PDE4D: variants seen among roughly 807,000 people sequenced by gnomAD.
PDE4D encodes the protein phosphodiesterase 4D.
A neutral mutation model predicts 87.4 loss-of-function variants in PDE4D; 24 were observed. The observed-to-expected ratio is 0.27, with a 90% CI of 0.20 to 0.39. The LOEUF (loss-of-function observed/expected upper bound fraction) is 0.39, where lower values mean the gene tolerates loss of function less well. Ranked by LOEUF, PDE4D falls within the 10% of genes least tolerant of loss-of-function variation. The pLI, the probability that PDE4D is intolerant of heterozygous loss-of-function variation, is 1.00. For missense variants in PDE4D, 714 were observed against 1,041.0 expected (o/e 0.69, Z 4.32); for synonymous variants, 384 against 383.2 (o/e 1.00, Z -0.02).
At chr5:59,343,146 C>G (rs564319277) in intron 1 of PDE4D, among the ~76,000 whole-genome samples, 12 of 151,922 alleles carry the variant, frequency 7.9e-5, no homozygotes, top group East Asian at 3.9e-4. Flanking sequence ...GTTGTTCCCC[C>G]CTATGTATCC....
At chr5:60,118,438 G>A (rs1778363323) in intron 2 of PDE4D, among the ~76,000 whole-genome samples, 1 of 152,054 alleles carries the variant, frequency 6.6e-6, no homozygotes. Flanking sequence ...ATTTGTGCCT[G>A]GGTTTTTAAG....
intron 1 of PDE4D, among the ~76,000 whole-genome samples, chr5:60,288,761 T>G (rs1018862806): frequency 3.9e-5 from 6 of 152,208 alleles, no homozygotes; most frequent in Non-Finnish European, 8.8e-5. Flanking sequence ...ACATAAAGCA[T>G]TTTTGTTATT....
intron 6 of PDE4D, among the ~76,000 whole-genome samples, chr5:59,035,701 T>A (rs1758385180): frequency 6.6e-6 from 1 of 152,170 alleles, no homozygotes; most frequent in African/African-American, 2.4e-5. Flanking sequence ...TGAAGTCATT[T>A]CTCTAATGTA....
intron 1 of PDE4D, among the ~76,000 whole-genome samples, chr5:59,724,933 C>T (rs1053562597): frequency 1.3e-5 from 2 of 152,040 alleles, no homozygotes; most frequent in African/African-American, 4.8e-5. Context: ...TTTCATTGAA[C>T]CTGGCTCTGC....
chr5:59,732,372 A>G (rs559629818), intron 1 of PDE4D, among the ~76,000 whole-genome samples: 1 of 150,450 alleles, frequency 6.6e-6, no homozygotes, highest in East Asian at 1.9e-4. Flanking sequence ...TTGCACTGTG[A>G]ATTTCAAATG....
chr5:59,901,692 C>T (rs1752277755), intron 3 of PDE4D, among the ~76,000 whole-genome samples: 2 of 152,008 alleles, frequency 1.3e-5, no homozygotes, highest in Admixed American at 6.6e-5. Flanking sequence ...CATTAGTTAT[C>T]AGGGAGATGC....
intron 1 of PDE4D, among the ~76,000 whole-genome samples, chr5:60,453,642 GA>G (rs1261690550): frequency 6.6e-6 from 1 of 152,160 alleles, no homozygotes; most frequent in East Asian, 1.9e-4. Flanking sequence ...GAAAAATCAA[GA>G]AGGATCAGCT....
chr5:59,337,326 C>A (rs888939311), intron 1 of PDE4D, among the ~76,000 whole-genome samples: 4 of 141,542 alleles, frequency 2.8e-5, no homozygotes, highest in Non-Finnish European at 6.1e-5. Context: ...CATAAGTTCC[C>A]CCCCCCCCAC....
intron 1 of PDE4D, among the ~76,000 whole-genome samples, chr5:59,745,614 A>C (rs56234500): frequency 0.025 from 3,858 of 152,214 alleles, 163 homozygotes; most frequent in African/African-American, 0.088. Flanking sequence ...TGATCAGCAA[A>C]GCCCTGGCTC....
chr5:60,357,597 C>A (rs534475465), intron 1 of PDE4D, among the ~76,000 whole-genome samples: 1 of 152,196 alleles, frequency 6.6e-6, no homozygotes, highest in African/African-American at 2.4e-5. Context: ...TGTCTTTCTA[C>A]TTGGAATTTT....
chr5:59,410,484 C>A (rs2153620483), intron 1 of PDE4D, among the ~76,000 whole-genome samples: 1 of 152,242 alleles, frequency 6.6e-6, no homozygotes, highest in Non-Finnish European at 1.5e-5. Context: ...TGGCCTCAAG[C>A]AATCTGCCTG....
chr5:59,458,504 G>C (rs1307569293), intron 1 of PDE4D, among the ~76,000 whole-genome samples: 1 of 152,176 alleles, frequency 6.6e-6, no homozygotes. Context: ...CTACTTGCCT[G>C]CTTTCTGAAT....
chr5:59,370,535 T>G (rs1210951959), intron 1 of PDE4D, among the ~76,000 whole-genome samples: 2 of 152,244 alleles, frequency 1.3e-5, no homozygotes, highest in African/African-American at 4.8e-5. Context: ...CAGGGATACC[T>G]ATTCTGACTT....
rs1000720614 is a variant in PDE4D at position 59,061,756 on chromosome 5, GA to G, written c.809-22786del. Among the ~76,000 whole-genome samples, 7 of 151,986 alleles carry G rather than the reference GA, an allele frequency of 4.6e-5. No homozygotes were observed. In the East Asian group the frequency reaches 5.8e-4, roughly 13 times the overall value. On this transcript the variant is annotated intron_variant, in intron 5 of 14. Coordinates refer to ENST00000340635, the MANE Select transcript of PDE4D (RefSeq NM_001104631.2). ...ATAGGCATGCTCAAACTCGTTTTGGGAAAAAAAATTGCAACTGTCAGAAATG... is the reference window on the plus strand; with the variant it reads ...ATAGGCATGCTCAAACTCGTTTTGGGAAAAAAATTGCAACTGTCAGAAATG...
intron 2 of PDE4D, among the ~76,000 whole-genome samples, chr5:60,084,903 CTGAT>C (rs1774365256): frequency 6.6e-6 from 1 of 152,232 alleles, no homozygotes; most frequent in African/African-American, 2.4e-5. Context: ...AAATTTAAGC[CTGAT>C]TGATATAATA....
intron 1 of PDE4D, among the ~76,000 whole-genome samples, chr5:59,522,865 C>T (rs1477035624): frequency 6.6e-6 from 1 of 152,160 alleles, no homozygotes; most frequent in African/African-American, 2.4e-5. Context: ...AATGCAACAA[C>T]ATTGACTTAC....
chr5:59,132,605 A>G (rs970433341), intron 5 of PDE4D, among the ~76,000 whole-genome samples: 1 of 152,224 alleles, frequency 6.6e-6, no homozygotes, highest in African/African-American at 2.4e-5. Flanking sequence ...GCAATTAACG[A>G]ATACATAAAA....
intron 6 of PDE4D, among the ~76,000 whole-genome samples, chr5:59,027,554 G>T (rs757916308): frequency 2.0e-5 from 3 of 152,010 alleles, no homozygotes; most frequent in South Asian, 4.1e-4. Flanking sequence ...ATCAATATGG[G>T]TTTATGGATA....
At chr5:59,558,243 A>C (rs1277443781) in intron 1 of PDE4D, among the ~76,000 whole-genome samples, 1 of 152,196 alleles carries the variant, frequency 6.6e-6, no homozygotes, top group Non-Finnish European at 1.5e-5. Context: ...CAAAATAAAT[A>C]GGTAAATTAG....
Sources: allele counts gnomAD v4.1 joint callset (sites outside exome capture counted in the v4.1 genomes callset), GRCh38; gene constraint gnomAD v4.1.1; transcripts MANE v1.5; gene names NCBI Gene and HGNC (gene_info 2026-07-23, HGNC 2026-07-21).